The following INPP5B variants were observed in gnomAD, a reference collection of about 807,000 sequenced individuals.
The protein encoded by INPP5B is inositol polyphosphate-5-phosphatase B.
Under a neutral mutation model 118.5 loss-of-function variants are expected in INPP5B, and 90 were observed. The observed-to-expected ratio is 0.76, with a 90% CI of 0.64 to 0.90. The LOEUF is 0.90. Among genes scored for constraint, INPP5B ranks in the 40% least tolerant of loss-of-function variants. The pLI is 0.00. For synonymous variants in INPP5B, 385 were observed against 418.9 expected (o/e 0.92, Z 0.99); for missense variants, 984 against 1,125.6 (o/e 0.87, Z 1.80).
chr1:37,872,892 A>T (rs753948602), intron 19 of INPP5B, 38 bp downstream of exon 19: 5 of 1,493,766 alleles, frequency 3.3e-6, no homozygotes, highest in Middle Eastern at 1.8e-4. Flanking sequence ...CTTGTCTGCT[A>T]CAAAGTTCTA....
chr1:37,936,768 T>A (rs568526990), intron 6 of INPP5B, among the ~76,000 whole-genome samples: 2 of 150,652 alleles, frequency 1.3e-5, no homozygotes, highest in South Asian at 4.2e-4. Flanking sequence ...TGTCACTATA[T>A]GTTGGCCAGT....
rs1346436264 is a variant in INPP5B at position 37,897,003 on chromosome 1, G to A, written c.533-5549C>T. On this transcript the variant is annotated intron_variant, in intron 7 of 23. Transcript: ENST00000373024. ...AGGTGGGGGGGTCAGCCCCCCGCCCGGCCAGCCGCCCCGTCCGGGAGGTGA... is the reference window on the plus strand; with the variant it reads ...AGGTGGGGGGGTCAGCCCCCCGCCCAGCCAGCCGCCCCGTCCGGGAGGTGA... 8.0e-5 allele frequency among the ~76,000 whole-genome samples: 10 copies of A among 124,898 alleles called. No individual in the cohort carries two copies. In the East Asian group the frequency reaches 1.7e-3, roughly 21 times the overall value. 81.9% of individuals were successfully genotyped at this position (124,898 alleles called of 152,430 possible). A position where few individuals can be genotyped will look rare whatever the true frequency, so the allele number is the denominator to read the frequency against.
chr1:37,874,045 A>G lies in INPP5B; in HGVS notation c.1899T>C (p.Ser633=). 1 of 1,606,628 alleles carries G rather than the reference A, an allele frequency of 6.2e-7. No individual in the cohort carries two copies. Among genetic ancestry groups the G allele is most frequent in the Non-Finnish European group, 8.5e-7 (1 of 1,174,386 alleles). The change falls in exon 18 of 24, where the codon TCT becomes TCC. Residue 633 remains serine, a synonymous_variant. Transcript: ENST00000373024. ...TGGCATTCAGCCACTGCTTACAGTAAGACTCTTCATCAGGCTTGTTGATGA... is the reference window on the plus strand; with the variant it reads ...TGGCATTCAGCCACTGCTTACAGTAGGACTCTTCATCAGGCTTGTTGATGA... ...FEFINKPDEE[S]YCKQWLNANP...
chr1:37,893,779 A>G (rs1440868079), intron 7 of INPP5B, among the ~76,000 whole-genome samples: 3 of 152,154 alleles, frequency 2.0e-5, no homozygotes, highest in African/African-American at 4.8e-5. Context: ...TCTAGCCCCA[A>G]TACTCACCAC....
chr1:37,945,660 G>T, intron 3 of INPP5B, 96 bp downstream of exon 3: 1 of 806,522 alleles, frequency 1.2e-6, no homozygotes, highest in South Asian at 1.6e-5. Flanking sequence ...AGGAGACTCA[G>T]ACCCTGCCCT....
chr1:37,922,929 G>A (rs1645106870), intron 7 of INPP5B, among the ~76,000 whole-genome samples: 1 of 152,294 alleles, frequency 6.6e-6, no homozygotes, highest in African/African-American at 2.4e-5. Flanking sequence ...CTGGAGAGAT[G>A]ACTTGAATTT....
intron 7 of INPP5B, among the ~76,000 whole-genome samples, chr1:37,911,198 C>T (rs1462945701): frequency 6.6e-6 from 1 of 152,160 alleles, no homozygotes; most frequent in African/African-American, 2.4e-5. Flanking sequence ...AGCTATGCTC[C>T]ACTTACTCTC....
intron 13 of INPP5B, among the ~76,000 whole-genome samples, chr1:37,884,039 G>A (rs1643369621): frequency 6.6e-6 from 1 of 151,970 alleles, no homozygotes; most frequent in Non-Finnish European, 1.5e-5. Context: ...TGAATTAAGA[G>A]GAAAAAAAGA....
In INPP5B at chr1:37,888,251, A is replaced by G. The variant is rs1643650954; in HGVS notation, c.891T>C (p.Tyr297=). Residue 297 remains tyrosine, a synonymous_variant, in exon 10 of 24, where the codon TAT becomes TAC. Transcript: ENST00000373024. ...LSNGIQAPDV[Y]CVGFQELDLS... is the part of the protein sequence containing the mutation. The stretch of plus-strand genomic sequence containing the variant: ...AGAAGAGAAGCACTCACCCTACACA[A>G]TAGACATCTGGGGCCTGGATACCAT... 1 of 1,568,912 alleles carries G rather than the reference A, an allele frequency of 6.4e-7. No homozygotes were observed. Among genetic ancestry groups the G allele is most frequent in the East Asian group, 2.4e-5 (1 of 41,754 alleles).
chr1:37,926,614 A>G (rs1645240177), intron 7 of INPP5B, among the ~76,000 whole-genome samples: 1 of 152,052 alleles, frequency 6.6e-6, no homozygotes, highest in African/African-American at 2.4e-5. Flanking sequence ...CTTTGGATTA[A>G]AAAAAAACAA....
At chr1:37,926,440 C>G (rs969736781) in intron 7 of INPP5B, among the ~76,000 whole-genome samples, 1 of 152,084 alleles carries the variant, frequency 6.6e-6, no homozygotes, top group African/African-American at 2.4e-5. Flanking sequence ...CACGCCACCA[C>G]GCCCAGCTAA....
chr1:37,863,718 A>AAC (rs201033440), intron 23 of INPP5B, among the ~76,000 whole-genome samples: 1 of 151,308 alleles, frequency 6.6e-6, no homozygotes, highest in Non-Finnish European at 1.5e-5. Context: ...TGCACACACA[A>AAC]ACACACACGC....
intron 7 of INPP5B, among the ~76,000 whole-genome samples, chr1:37,896,681 A>G: frequency 8.3e-6 from 1 of 120,128 alleles, no homozygotes; most frequent in Non-Finnish European, 1.7e-5. Flanking sequence ...CTGGGAAGTG[A>G]GGAGCCCCTC....
At chr1:37,944,825 C>A (rs1646061165) in intron 3 of INPP5B, among the ~76,000 whole-genome samples, 2 of 151,942 alleles carry the variant, frequency 1.3e-5, no homozygotes, top group South Asian at 4.1e-4. Flanking sequence ...CGCTATGTTG[C>A]CCAAGCTGGT....
chr1:37,873,415 T>G, intron 18 of INPP5B: 1 of 495,158 alleles, frequency 2.0e-6, no homozygotes, highest in Non-Finnish European at 3.7e-6. Flanking sequence ...ATTCAAGCAC[T>G]AAGGAGCACA....
At chr1:37,916,578 G>A (rs1286839718) in intron 7 of INPP5B, among the ~76,000 whole-genome samples, 4 of 151,574 alleles carry the variant, frequency 2.6e-5, no homozygotes, top group South Asian at 2.1e-4. Context: ...CACTACGCCC[G>A]GCTAATTTTG....
At chr1:37,898,586 T>G (rs1173086840) in intron 7 of INPP5B, among the ~76,000 whole-genome samples, 2 of 151,716 alleles carry the variant, frequency 1.3e-5, no homozygotes, top group Non-Finnish European at 2.9e-5. Context: ...TCCCAGCTAC[T>G]CGGGAGGCTG....
Position 37,940,712 on chromosome 1 carries a change from G to A in INPP5B, c.367C>T (p.His123Tyr). Residue 123 changes from histidine (H) to tyrosine (Y), a missense_variant, in exon 6 of 24, where the codon CAC (histidine) becomes TAC (tyrosine). Physicochemically the swap from His to Tyr is moderately conservative, Grantham distance 83 (BLOSUM62 2). This residue lies in a region of INPP5B where 350 missense variants were observed against 334.6 expected (regional missense o/e 1.05). Transcript: ENST00000373024. ...CCTGGACAGGCCCTGGCAACTTCGT[G>A]GAGGAACATCCTGGTTTGTGAACCA... ...PFGSQTRMFL[H>Y]EVARACPGFD... is the part of the protein sequence containing the mutation. 1 of 1,613,646 alleles carries A rather than the reference G, an allele frequency of 6.2e-7. No individual in the cohort carries two copies. Among genetic ancestry groups the A allele is most frequent in the African/African-American group, 1.3e-5 (1 of 75,012 alleles).
intron 11 of INPP5B, 99 bp downstream of exon 11, chr1:37,887,252 G>T: frequency 1.2e-6 from 1 of 852,798 alleles, no homozygotes; most frequent in Non-Finnish European, 1.9e-6. Flanking sequence ...GGATAATTAA[G>T]ACTGGCTTAA....
Sources: gnomAD v4.1 joint callset for allele counts (sites outside exome capture counted in the v4.1 genomes callset) on GRCh38, gnomAD v4.1.1 for gene constraint, gnomAD v4.1.1 regional missense constraint, MANE v1.5 for transcripts, NCBI Gene and HGNC (gene_info 2026-07-23, HGNC 2026-07-21) for gene names.